Variants in SND1 observed in about 807,000 individuals in gnomAD.
SND1 encodes staphylococcal nuclease domain-containing protein 1.
In SND1, 38 loss-of-function variants were observed where a neutral mutation model predicts 121.7. The ratio of observed to expected loss-of-function variants is 0.31; its 90% CI spans 0.24 to 0.41. The LOEUF (loss-of-function observed/expected upper bound fraction) is 0.41, where lower values mean the gene tolerates loss of function less well. Among genes scored for constraint, SND1 ranks in the 10% least tolerant of loss-of-function variants. The pLI is 1.00. For missense variants in SND1, 868 were observed against 1,184.6 expected (o/e 0.73, Z 3.92); for synonymous variants, 401 against 447.4 (o/e 0.90, Z 1.31).
intron 15 of SND1, among the ~76,000 whole-genome samples, chr7:127,949,386 A>C (rs1326411463): frequency 6.6e-6 from 1 of 152,236 alleles, no homozygotes; most frequent in African/African-American, 2.4e-5. Flanking sequence ...TTAATGAGCC[A>C]AGTTTAAAAG....
intron 11 of SND1, among the ~76,000 whole-genome samples, chr7:127,812,961 C>T (rs954527574): frequency 1.3e-5 from 2 of 152,288 alleles, no homozygotes; most frequent in African/African-American, 4.8e-5. Flanking sequence ...TAATTTGATT[C>T]ATTCATGCTA....
At chr7:127,778,030 G>A (rs1342701748) in intron 10 of SND1, among the ~76,000 whole-genome samples, 1 of 152,120 alleles carries the variant, frequency 6.6e-6, no homozygotes, top group African/African-American at 2.4e-5. Flanking sequence ...TTTCTTCACA[G>A]CTACACTGGT....
intron 16 of SND1, among the ~76,000 whole-genome samples, chr7:128,045,568 CTG>C (rs1792931080): frequency 6.6e-6 from 1 of 152,172 alleles, no homozygotes; most frequent in Non-Finnish European, 1.5e-5. Context: ...ACATATGTAA[CTG>C]TGGTAAAGAC....
At chr7:127,858,965 A>G (rs1799332044) in intron 12 of SND1, among the ~76,000 whole-genome samples, 2 of 152,204 alleles carry the variant, frequency 1.3e-5, no homozygotes, top group African/African-American at 2.4e-5. Flanking sequence ...CTGCATTTAC[A>G]TAAACTACAG....
chr7:128,032,167 G>C (rs1379332518), intron 16 of SND1: 7 of 151,762 alleles, frequency 4.6e-5, no homozygotes, highest in Non-Finnish European at 8.8e-5. Context: ...TTATGTATTA[G>C]CGCCGCTCCC....
rs532931835 is a variant in SND1, at chr7:127,809,646, G to A, written c.1242+2073G>A. Among the ~76,000 whole-genome samples, 7 of 152,344 alleles carry A rather than the reference G, an allele frequency of 4.6e-5. No homozygotes were observed. In the East Asian group the frequency reaches 9.7e-4, roughly 21 times the overall value. Reference sequence around the variant, plus strand: ...TGTGTATCTATGTGCCTGTGTGCACGAAAGCTGATTAGGGCAGCCTGTCAC... The same window carrying A: ...TGTGTATCTATGTGCCTGTGTGCACAAAAGCTGATTAGGGCAGCCTGTCAC... On this transcript the variant is annotated intron_variant, in intron 11 of 23. Coordinates refer to ENST00000354725, the MANE Select transcript of SND1 (RefSeq NM_014390.4).
chr7:127,824,293 C>CAG (rs1798605311), intron 11 of SND1, among the ~76,000 whole-genome samples: 1 of 152,100 alleles, frequency 6.6e-6, no homozygotes, highest in African/African-American at 2.4e-5. Context: ...ACTTATCTAC[C>CAG]AGTTCTTTTA....
chr7:127,656,447 C>T (rs887643694), intron 1 of SND1, among the ~76,000 whole-genome samples: 5 of 151,780 alleles, frequency 3.3e-5, no homozygotes, highest in Admixed American at 6.6e-5. Context: ...CTCAGCCTCC[C>T]GAGTAGCTGG....
At chr7:127,773,451 C>CAAAA (rs879613987) in intron 10 of SND1, among the ~76,000 whole-genome samples, 2 of 102,772 alleles carry the variant, frequency 1.9e-5, no homozygotes, top group African/African-American at 3.9e-5. Context: ...GACTCCGTCT[C>CAAAA]AAAAAAAAAA....
At chr7:127,919,694 A>G (rs1438258221) in intron 14 of SND1, among the ~76,000 whole-genome samples, 3 of 152,158 alleles carry the variant, frequency 2.0e-5, no homozygotes, top group East Asian at 3.8e-4. Context: ...AATGTGGAAG[A>G]TGTTTATTGT....
At chr7:127,920,779 G>T (rs1399663250) in intron 14 of SND1, among the ~76,000 whole-genome samples, 3 of 145,210 alleles carry the variant, frequency 2.1e-5, no homozygotes, top group Non-Finnish European at 3.0e-5. Flanking sequence ...TCCTAACTAG[G>T]TATATTCTTA....
At chr7:127,889,171 C>G (rs1386160035) in intron 13 of SND1, among the ~76,000 whole-genome samples, 1 of 152,052 alleles carries the variant, frequency 6.6e-6, no homozygotes, top group Non-Finnish European at 1.5e-5. Flanking sequence ...AAAATACTCA[C>G]ATCTTTGGTT....
At chr7:127,860,150 T>A (rs1310964729) in intron 12 of SND1, among the ~76,000 whole-genome samples, 1 of 152,186 alleles carries the variant, frequency 6.6e-6, no homozygotes, top group Non-Finnish European at 1.5e-5. Context: ...TTTTTGAAAG[T>A]GGCATAAACA....
At chr7:127,661,643 C>G (rs1176208286) in intron 1 of SND1, among the ~76,000 whole-genome samples, 1 of 152,110 alleles carries the variant, frequency 6.6e-6, no homozygotes, top group Non-Finnish European at 1.5e-5. Flanking sequence ...GATTAGGGGT[C>G]ACATTTACAG....
intron 8 of SND1, among the ~76,000 whole-genome samples, chr7:127,705,833 T>C (rs766556258): frequency 6.6e-6 from 1 of 152,234 alleles, no homozygotes; most frequent in East Asian, 1.9e-4. Flanking sequence ...CTTAAAGTTA[T>C]AATGGTCTTG....
intron 10 of SND1, among the ~76,000 whole-genome samples, chr7:127,739,315 G>A (rs1394597532): frequency 2.0e-5 from 3 of 152,158 alleles, no homozygotes; most frequent in Non-Finnish European, 2.9e-5. Flanking sequence ...AATGTTAGGC[G>A]CTCTTTCTAT....
At chr7:127,941,122 C>T (rs1263509100) in intron 15 of SND1, among the ~76,000 whole-genome samples, 1 of 152,218 alleles carries the variant, frequency 6.6e-6, no homozygotes, top group Non-Finnish European at 1.5e-5. Flanking sequence ...GACACAACTG[C>T]ATTCTCTCCG....
intron 12 of SND1, among the ~76,000 whole-genome samples, chr7:127,872,628 G>GCA (rs56324746): frequency 0.048 from 6,644 of 139,866 alleles, 170 homozygotes; most frequent in Middle Eastern, 0.12. Context: ...TAACACACAC[G>GCA]CACACACACA....
At chr7:127,946,163 T>G (rs1801325599) in intron 15 of SND1, among the ~76,000 whole-genome samples, 1 of 152,110 alleles carries the variant, frequency 6.6e-6, no homozygotes, top group African/African-American at 2.4e-5. Flanking sequence ...AATTTTTAGT[T>G]GTTTGGGGGT....
Sources: gnomAD v4.1 joint callset for allele counts (sites outside exome capture counted in the v4.1 genomes callset) on GRCh38, gnomAD v4.1.1 for gene constraint, MANE v1.5 for transcripts, NCBI Gene and HGNC (gene_info 2026-07-23, HGNC 2026-07-21) for gene names.